The following ICAM3 variants were observed in gnomAD, a reference collection of about 807,000 sequenced individuals.
ICAM3 encodes the protein ICAM-3.
In ICAM3, 54 loss-of-function variants were observed where a neutral mutation model predicts 43.6. The ratio of observed to expected loss-of-function variants is 1.24; its 90% CI spans 0.99 to 1.55. The LOEUF is 1.55. Among genes scored for constraint, ICAM3 ranks in the 40% most tolerant of loss-of-function variants. The pLI, the probability that ICAM3 is intolerant of heterozygous loss-of-function variation, is 0.00. For missense variants in ICAM3, 715 were observed against 717.9 expected (o/e 1.00, Z 0.05); for synonymous variants, 306 against 312.6 (o/e 0.98, Z 0.22).
chr19:10,338,950 T>G lies in ICAM3; in HGVS notation c.77-2A>C, dbSNP rs540248931. The G allele has an allele frequency of 7.4e-6, 12 of 1,612,546 alleles. No individual in the cohort carries two copies. In the African/African-American group the frequency reaches 9.3e-5, roughly 13 times the overall value. ...AAAGGAACTCCTGCCCCTGGACACC[T>G]TCAGGAACATGAAGAAGTCCTGGTG... On this transcript the variant is annotated splice_acceptor_variant, in intron 1 of 6. Transcript: ENST00000160262. LOFTEE classifies it high-confidence loss of function.
In ICAM3 at chr19:10,334,856, C is replaced by G; in HGVS notation, c.938-74G>C. ...GGGTCAAGCCGCTCCCTCCGCCCTCCCCTTTCCTCTCGGGATATCCGGGCC... is the reference window on the plus strand; with the variant it reads ...GGGTCAAGCCGCTCCCTCCGCCCTCGCCTTTCCTCTCGGGATATCCGGGCC... On this transcript the variant is annotated intron_variant, in intron 4 of 6. Coordinates refer to ENST00000160262, the MANE Select transcript of ICAM3 (RefSeq NM_002162.5). This position sits in a 1 kb window ranked among gnomAD's most constrained non-coding sequence, Gnocchi z 5.5. 6.6e-7 allele frequency: 1 copy of G among 1,505,206 alleles called. No individual in the cohort carries two copies. Among genetic ancestry groups the G allele is most frequent in the Non-Finnish European group, 8.9e-7 (1 of 1,122,408 alleles). The allele number at this position is 1,505,206 out of a possible 1,614,324, so 93.2% of individuals were successfully genotyped here.
intron 1 of ICAM3, chr19:10,339,195 C>T: frequency 1.7e-6 from 1 of 590,592 alleles, no homozygotes; most frequent in Non-Finnish European, 3.0e-6. Flanking sequence ...ACCATTGCAG[C>T]CCGAAACTGA....
chr19:10,336,724 T>C (rs577411967), intron 2 of ICAM3, among the ~76,000 whole-genome samples: 39 of 148,954 alleles, frequency 2.6e-4, no homozygotes, highest in African/African-American at 9.7e-4. Flanking sequence ...AAGAATCGCT[T>C]GAACCCAGGA....
chr19:10,335,531 C>T, intron 3 of ICAM3, 140 bp downstream of exon 3: 1 of 1,133,340 alleles, frequency 8.8e-7, no homozygotes, highest in Non-Finnish European at 1.2e-6. Context: ...CCTTCCGGGG[C>T]CACCTTGCCC....
At chr19:10,337,235 G>A (rs74926565) in intron 2 of ICAM3, among the ~76,000 whole-genome samples, 24,017 of 142,140 alleles carry the variant, frequency 0.17, 1,912 homozygotes, top group South Asian at 0.2. Context: ...TGGGCAACAT[G>A]GTGAAATCCT....
intron 1 of ICAM3, chr19:10,339,325 T>C (rs2040632069): frequency 1.7e-6 from 1 of 590,292 alleles, no homozygotes; most frequent in African/African-American, 1.9e-5. Flanking sequence ...TGTGTGTGTG[T>C]GTGTTAGGGG....
intron 2 of ICAM3, chr19:10,336,390 GTT>G: frequency 1.1e-5 from 2 of 183,708 alleles, no homozygotes; most frequent in South Asian, 1.1e-4. Context: ...CTCCAATCAG[GTT>G]CAGACACTCA....
chr19:10,335,415 T>G, intron 3 of ICAM3, 62 bp from the exon 4 acceptor site: 2 of 1,419,490 alleles, frequency 1.4e-6, no homozygotes, highest in South Asian at 1.3e-5. Flanking sequence ...GACACCCTCA[T>G]CCCCCCCAGT....
chr19:10,334,964 C>G lies in ICAM3; in HGVS notation c.937+102G>C, dbSNP rs938234599. 19 of 1,497,698 alleles carry G rather than the reference C, an allele frequency of 1.3e-5. No individual in the cohort carries two copies. In the Middle Eastern group the frequency reaches 1.9e-3, roughly 150 times the overall value. 92.8% of individuals were successfully genotyped at this position (1,497,698 alleles called of 1,614,324 possible). A position where few individuals can be genotyped will look rare whatever the true frequency, so the allele number is the denominator to read the frequency against. On this transcript the variant is annotated intron_variant, in intron 4 of 6. Transcript: ENST00000160262. This position sits in a 1 kb window ranked among gnomAD's most constrained non-coding sequence, Gnocchi z 5.5. ...TCAGGCCCAACCCACGTTGCAACTGCTATTGGGGCAAGCCAGGCCCCACCT... is the reference window on the plus strand; with the variant it reads ...TCAGGCCCAACCCACGTTGCAACTGGTATTGGGGCAAGCCAGGCCCCACCT...
intron 1 of ICAM3, 190 bp downstream of exon 1, chr19:10,339,349 A>T (rs749986152): frequency 2.2e-5 from 13 of 599,246 alleles, no homozygotes; most frequent in Non-Finnish European, 3.3e-5. Context: ...GGGATGGCGT[A>T]CAAGCCTATG....
chr19:10,337,211 G>C (rs1417572242), intron 2 of ICAM3, among the ~76,000 whole-genome samples: 2 of 151,982 alleles, frequency 1.3e-5, no homozygotes, highest in Admixed American at 6.6e-5. Flanking sequence ...GAGGCCAGGA[G>C]TTTGAGACCA....
At chr19:10,339,492 C>T (rs1344305593) in intron 1 of ICAM3, 47 bp downstream of exon 1, 1 of 1,540,586 alleles carries the variant, frequency 6.5e-7, no homozygotes, top group Non-Finnish European at 9.0e-7. Flanking sequence ...TCTACTGATC[C>T]CCAAAACGCA....
chr19:10,339,313 G>T (rs2040631798), intron 1 of ICAM3: 2 of 572,540 alleles, frequency 3.5e-6, no homozygotes, highest in South Asian at 2.1e-5. Flanking sequence ...AAGCATGAGG[G>T]GTGTGTGTGT....
In ICAM3 at chr19:10,333,975, A is replaced by G; in HGVS notation, c.1526T>C (p.Val509Ala). ...GCCGCTCCGTTGGTGCTCCCTGAAG[A>G]CGTACATTAAGGCCAGTACGATAGT... ...VVTIVLALMY[V>A]FREHQRSGSY... Residue 509 changes from valine (V) to alanine (A), a missense_variant, in exon 7 of 7, where the codon GTC becomes GCC. Physicochemically the swap from Val to Ala is moderately conservative, Grantham distance 64 (BLOSUM62 0). Transcript: ENST00000160262. This position sits in a 1 kb window ranked among gnomAD's most constrained non-coding sequence, Gnocchi z 4.2. 1 of 1,614,060 alleles carries G rather than the reference A, an allele frequency of 6.2e-7. No individual in the cohort carries two copies. The highest frequency in any genetic ancestry group is 8.5e-7 in the Non-Finnish European group (1 of 1,180,012).
In ICAM3 at chr19:10,338,666, G is replaced by T. The variant is rs372769379; in HGVS notation, c.343+16C>A. On this transcript the variant is annotated intron_variant, in intron 2 of 6. Coordinates refer to ENST00000160262, the MANE Select transcript of ICAM3 (RefSeq NM_002162.5). ...ACTACCCAAGACCAGTCCCACCTCC[G>T]GACACGTCGACTCACTGTACACGGT... The T allele has an allele frequency of 6.2e-7, 1 of 1,612,362 alleles. No homozygotes were observed. The highest frequency in any genetic ancestry group is 2.2e-5 in the East Asian group (1 of 44,862).
rs1435989005 is a variant in ICAM3 at position 10,335,882 on chromosome 19, G to T, written c.438C>A (p.Pro146=). The T allele has an allele frequency of 1.9e-6, 3 of 1,605,746 alleles. No homozygotes were observed. The South Asian group carries it at 3.3e-5, about 18-fold the overall frequency. The change falls in exon 3 of 7, where the codon CCC becomes CCA. Residue 146 remains proline, a synonymous_variant. Transcript: ENST00000160262. ...TLRCQVEDGS[P]RTSLTVVLLR... ...GCAGCACCACCGTGAGGCTGGTCCG[G>T]GGCGACCCATCCTCCACTTGGCAGC...
chr19:10,335,373 T>C lies in ICAM3; in HGVS notation c.650-20A>G, dbSNP rs1282065432. 6.4e-7 allele frequency: 1 copy of C among 1,573,036 alleles called. No homozygotes were observed. Among genetic ancestry groups the C allele is most frequent in the Non-Finnish European group, 8.6e-7 (1 of 1,164,048 alleles). ...GCAGGACTGGGGAGAAAGGTGGGCA[T>C]AGTACAACCCCCAGGACTGTGCCTT... is the stretch of plus-strand genomic sequence containing the variant. On this transcript the variant is annotated intron_variant, in intron 3 of 6. Transcript: ENST00000160262.
At chr19:10,336,210 CA>C (rs1233360469) in intron 2 of ICAM3, 1 of 483,958 alleles carries the variant, frequency 2.1e-6, no homozygotes, top group Non-Finnish European at 3.7e-6. Context: ...TTTCTGTTCT[CA>C]AAGATGGCAC....
Position 10,334,076 on chromosome 19 carries a change from C to G in ICAM3, c.1442-17G>C. 3 of 1,613,636 alleles carry G rather than the reference C, an allele frequency of 1.9e-6. No homozygotes were observed. The South Asian group carries it at 3.3e-5, about 18-fold the overall frequency. On this transcript the variant is annotated splice_polypyrimidine_tract_variant and intron_variant, in intron 6 of 6. Transcript: ENST00000160262. The surrounding 1 kb of genome is among the most constrained non-coding windows in gnomAD (Gnocchi z 5.5). Reference sequence around the variant, plus strand: ...AGCTCCCAGCTGTGCAGAGAAAGCGCTAAGTCAATATGCGTCCCTTCTGTC... The same window carrying G: ...AGCTCCCAGCTGTGCAGAGAAAGCGGTAAGTCAATATGCGTCCCTTCTGTC...
Sources: allele counts gnomAD v4.1 joint callset (sites outside exome capture counted in the v4.1 genomes callset), GRCh38; gene constraint gnomAD v4.1.1; non-coding constraint Gnocchi (gnomAD v3.1); transcripts MANE v1.5; gene names NCBI Gene and HGNC (gene_info 2026-07-23, HGNC 2026-07-21).